Variants in BLTP3B observed in about 807,000 individuals in gnomAD.
BLTP3B encodes the protein bridge-like lipid transfer protein family member 3B.
the BLTP3B span, among the ~76,000 whole-genome samples, chr12:100,109,214 C>CTCTCTCTCT: frequency 1.5e-5 from 2 of 135,282 alleles, no homozygotes; most frequent in Non-Finnish European, 3.2e-5. Flanking sequence ...CTCTCTCTCT[C>CTCTCTCTCT]CTGCCACCAT....
At chr12:100,121,402 T>C in the BLTP3B span, among the ~76,000 whole-genome samples, 1 of 143,880 alleles carries the variant, frequency 7.0e-6, no homozygotes, top group Non-Finnish European at 1.5e-5. Context: ...CTAAGTGATA[T>C]AAAGTAGATC....
At chr12:100,099,742 G>C in the BLTP3B span, among the ~76,000 whole-genome samples, 10 of 151,324 alleles carry the variant, frequency 6.6e-5, no homozygotes, top group Admixed American at 6.6e-4. Flanking sequence ...GCGAGACCTT[G>C]TCTCAAAATT....
At chr12:100,127,494 C>T in the BLTP3B span, among the ~76,000 whole-genome samples, 167 of 152,320 alleles carry the variant, frequency 1.1e-3, no homozygotes, top group African/African-American at 3.7e-3. Context: ...CAATTTATTA[C>T]AAGACTTTTG....
chr12:100,124,936 T>TTATATATATATA, the BLTP3B span, among the ~76,000 whole-genome samples: 688 of 56,172 alleles, frequency 0.012, 11 homozygotes, highest in Middle Eastern at 0.017. Flanking sequence ...AAAAAAAATT[T>TTATATATATATA]TATATATATA....
the BLTP3B span, among the ~76,000 whole-genome samples, chr12:100,107,245 G>GCA: frequency 7.6e-6 from 1 of 131,842 alleles, no homozygotes; most frequent in South Asian, 2.4e-4. Flanking sequence ...CCAAGACGGT[G>GCA]CCACTGCACT....
At chr12:100,107,197 A>C in the BLTP3B span, among the ~76,000 whole-genome samples, 4 of 145,494 alleles carry the variant, frequency 2.7e-5, no homozygotes, top group Non-Finnish European at 6.0e-5. Context: ...CTGAGGCAGG[A>C]GAATTGCATG....
the BLTP3B span, chr12:100,058,942 G>A: frequency 6.2e-7 from 1 of 1,613,894 alleles, no homozygotes; most frequent in African/African-American, 1.3e-5. Context: ...TTTGTCAAAG[G>A]CTCAGACTCT....
chr12:100,059,664 T>G, the BLTP3B span: 1 of 1,168,884 alleles, frequency 8.6e-7, no homozygotes, highest in South Asian at 1.7e-5. Context: ...TATTAAGACG[T>G]AAAACACTAA....
At chr12:100,087,555 TAATAAA>T in the BLTP3B span, among the ~76,000 whole-genome samples, 1 of 152,160 alleles carries the variant, frequency 6.6e-6, no homozygotes, top group Non-Finnish European at 1.5e-5. Flanking sequence ...GAGGCAGCAC[TAATAAA>T]AATAGCAATT....
At chr12:100,095,718 T>C in the BLTP3B span, 1 of 1,613,636 alleles carries the variant, frequency 6.2e-7, no homozygotes, top group Admixed American at 1.7e-5. Context: ...ATTTTTCTAT[T>C]GCTTCACTAA....
At chr12:100,072,874 T>C in the BLTP3B span, 1 of 1,523,108 alleles carries the variant, frequency 6.6e-7, no homozygotes, top group Non-Finnish European at 8.7e-7. Context: ...AAATAATTTA[T>C]GCAACCCAGA....
chr12:100,047,215 C>T, the BLTP3B span, among the ~76,000 whole-genome samples: 16 of 152,180 alleles, frequency 1.1e-4, no homozygotes, highest in African/African-American at 2.9e-4. Flanking sequence ...GGGTTTTCAT[C>T]GGCTGGGCGA....
At chr12:100,141,235 G>A in the BLTP3B span, among the ~76,000 whole-genome samples, 350 of 152,200 alleles carry the variant, frequency 2.3e-3, 8 homozygotes, top group East Asian at 0.04. Flanking sequence ...TGTAATCCCA[G>A]CACTCTGGGA....
chr12:100,070,258 A>G, the BLTP3B span: 13 of 1,415,078 alleles, frequency 9.2e-6, no homozygotes, highest in Non-Finnish European at 1.2e-5. Context: ...ATAGGATTAA[A>G]TGCCAGAAGG....
At chr12:100,046,925 G>T in the BLTP3B span, among the ~76,000 whole-genome samples, 1 of 152,116 alleles carries the variant, frequency 6.6e-6, no homozygotes, top group Non-Finnish European at 1.5e-5. Flanking sequence ...CTAAGAAAGA[G>T]ATCAACTGAG....
At chr12:100,066,352 C>T in the BLTP3B span, among the ~76,000 whole-genome samples, 2 of 152,148 alleles carry the variant, frequency 1.3e-5, no homozygotes, top group African/African-American at 4.8e-5. Flanking sequence ...GCACCTAACA[C>T]TGGAGTTCCC....
At chr12:100,115,511 G>A in the BLTP3B span, among the ~76,000 whole-genome samples, 2 of 152,194 alleles carry the variant, frequency 1.3e-5, no homozygotes, top group Non-Finnish European at 2.9e-5. Flanking sequence ...GCTCACACTT[G>A]GAATCCCAGC....
chr12:100,127,933 G>A, the BLTP3B span, among the ~76,000 whole-genome samples: 1 of 152,006 alleles, frequency 6.6e-6, no homozygotes, highest in African/African-American at 2.4e-5. Flanking sequence ...GGATAACTGG[G>A]GACCAGGAGT....
At chr12:100,112,255 G>T in the BLTP3B span, among the ~76,000 whole-genome samples, 1 of 152,178 alleles carries the variant, frequency 6.6e-6, no homozygotes, top group South Asian at 2.1e-4. Context: ...AAGGCAAGAA[G>T]ATCACTTGAG....
Sources: allele counts gnomAD v4.1 joint callset (sites outside exome capture counted in the v4.1 genomes callset), GRCh38; gene constraint gnomAD v4.1.1; transcripts MANE v1.5; gene names NCBI Gene and HGNC (gene_info 2026-07-23, HGNC 2026-07-21).